Variants in ZDHHC14 observed in about 807,000 individuals in gnomAD.
ZDHHC14 encodes zDHHC palmitoyltransferase 14, also known as palmitoyltransferase ZDHHC14.
ZDHHC14 carries 16 observed loss-of-function variants against 47.7 expected under a neutral mutation model. That is an observed-to-expected ratio of 0.34 (90% CI 0.23 to 0.51). The LOEUF is 0.51. ZDHHC14 is among the 20% of genes least tolerant of loss of function. The pLI is 0.97. For synonymous variants in ZDHHC14, 293 were observed against 278.9 expected (o/e 1.05, Z -0.50); for missense variants, 515 against 662.5 (o/e 0.78, Z 2.44).
intron 1 of ZDHHC14, among the ~76,000 whole-genome samples, chr6:157,428,034 G>A (rs1222931469): frequency 6.6e-6 from 1 of 152,154 alleles, no homozygotes; most frequent in Non-Finnish European, 1.5e-5. Context: ...AGGAATATCG[G>A]GTTCCTGGAG....
At position 157,632,893 on chromosome 6, in the gene ZDHHC14, T is replaced by G; in HGVS notation, c.752+11T>G. On this transcript the variant is annotated intron_variant, in intron 5 of 8. Transcript: ENST00000359775. The stretch of plus-strand genomic sequence containing the variant: ...GGACAGTCCTGCAAGATATCCTTTG[T>G]GATGATTCTGTTTTCACGATGCTAA... 3 of 1,614,064 alleles carry G rather than the reference T, an allele frequency of 1.9e-6. No homozygotes were observed. The highest frequency in any genetic ancestry group is 2.5e-6 in the Non-Finnish European group (3 of 1,179,906).
intron 3 of ZDHHC14, among the ~76,000 whole-genome samples, chr6:157,620,504 T>TTTATCAAA (rs1785145373): frequency 6.6e-6 from 1 of 152,260 alleles, no homozygotes; most frequent in South Asian, 2.1e-4. Flanking sequence ...GCCAAGCAGC[T>TTTATCAAA]TTATCAAATC....
At chr6:157,487,485 A>G (rs1218785295) in intron 1 of ZDHHC14, among the ~76,000 whole-genome samples, 1 of 152,264 alleles carries the variant, frequency 6.6e-6, no homozygotes, top group African/African-American at 2.4e-5. Flanking sequence ...AACCTTCACT[A>G]CATGCCCTTG....
chr6:157,538,994 G>A (rs916267895), intron 1 of ZDHHC14, among the ~76,000 whole-genome samples: 6 of 152,066 alleles, frequency 3.9e-5, no homozygotes, highest in Non-Finnish European at 7.4e-5. Context: ...TAAGGAGCTC[G>A]AGCTTCATTT....
chr6:157,421,229 G>T (rs1378927649), intron 1 of ZDHHC14, among the ~76,000 whole-genome samples: 2 of 151,950 alleles, frequency 1.3e-5, no homozygotes, highest in Admixed American at 6.6e-5. Flanking sequence ...CCTGGGCGCG[G>T]TGGCTCACGC....
chr6:157,659,181 T>G (rs564016548), intron 8 of ZDHHC14, among the ~76,000 whole-genome samples: 1 of 152,230 alleles, frequency 6.6e-6, no homozygotes, highest in Admixed American at 6.5e-5. Flanking sequence ...GAGAATAATT[T>G]GTAAAACTGG....
chr6:157,469,596 G>A (rs910597420), intron 1 of ZDHHC14, among the ~76,000 whole-genome samples: 3 of 152,214 alleles, frequency 2.0e-5, no homozygotes, highest in African/African-American at 4.8e-5. Context: ...GTCAGCCTGG[G>A]ATTCTGCCCT....
At chr6:157,470,510 C>T (rs1429053561) in intron 1 of ZDHHC14, among the ~76,000 whole-genome samples, 2 of 152,106 alleles carry the variant, frequency 1.3e-5, no homozygotes, top group Non-Finnish European at 2.9e-5. Flanking sequence ...TGTCAAAAAG[C>T]TAAAGGTATC....
intron 1 of ZDHHC14, among the ~76,000 whole-genome samples, chr6:157,403,928 T>G (rs578232163): frequency 1.3e-5 from 2 of 152,296 alleles, no homozygotes; most frequent in African/African-American, 4.8e-5. Context: ...CTGAGCATGG[T>G]GGGCACACAA....
In ZDHHC14 at chr6:157,639,015, C is replaced by T. The variant is rs145523853; in HGVS notation, c.752+6133C>T. ...GCCTGGCATCCTGGTGTTGTGCCCA[C>T]GCACTCCACATTGGGCAGGGTGCCC... On this transcript the variant is annotated intron_variant, in intron 5 of 8. Transcript: ENST00000359775. Among the ~76,000 whole-genome samples, 538 of 152,344 alleles carry T rather than the reference C, an allele frequency of 3.5e-3. 2 individuals carry two copies. The highest frequency in any genetic ancestry group is 0.012 in the African/African-American group (489 of 41,574).
At chr6:157,449,327 C>T (rs1012111750) in intron 1 of ZDHHC14, among the ~76,000 whole-genome samples, 12 of 151,970 alleles carry the variant, frequency 7.9e-5, no homozygotes, top group South Asian at 2.1e-4. Context: ...ATACTATACG[C>T]GGTATATTAT....
chr6:157,567,733 G>GGC (rs1380371950), intron 2 of ZDHHC14, among the ~76,000 whole-genome samples: 6 of 150,836 alleles, frequency 4.0e-5, no homozygotes, highest in Non-Finnish European at 8.8e-5. Context: ...AGGAGAATCA[G>GGC]TTGAACCTGG....
chr6:157,663,352 A>G (rs148829685), intron 8 of ZDHHC14, among the ~76,000 whole-genome samples: 66 of 152,332 alleles, frequency 4.3e-4, no homozygotes, highest in African/African-American at 1.4e-3. Context: ...CAGAGCTCCT[A>G]GTGGACAGGA....
chr6:157,430,630 G>T (rs999905596), intron 1 of ZDHHC14, among the ~76,000 whole-genome samples: 2 of 152,230 alleles, frequency 1.3e-5, no homozygotes, highest in Non-Finnish European at 1.5e-5. Flanking sequence ...GGATAATGGA[G>T]GGTAATCTCC....
chr6:157,429,165 A>T (rs1778286067), intron 1 of ZDHHC14, among the ~76,000 whole-genome samples: 1 of 152,176 alleles, frequency 6.6e-6, no homozygotes, highest in African/African-American at 2.4e-5. Flanking sequence ...TGCAGTGATC[A>T]TCTCGGCATG....
intron 1 of ZDHHC14, among the ~76,000 whole-genome samples, chr6:157,396,888 A>G (rs1372726735): frequency 1.3e-5 from 2 of 152,226 alleles, no homozygotes; most frequent in Non-Finnish European, 2.9e-5. Flanking sequence ...TTTAAACTGT[A>G]TGCCTTTATT....
At chr6:157,614,742 C>T (rs2114928546) in intron 3 of ZDHHC14, among the ~76,000 whole-genome samples, 1 of 151,818 alleles carries the variant, frequency 6.6e-6, no homozygotes, top group African/African-American at 2.4e-5. Flanking sequence ...TCGTGTTCTG[C>T]TCTCTCCAGC....
intron 1 of ZDHHC14, among the ~76,000 whole-genome samples, chr6:157,392,691 C>T (rs540551765): frequency 6.6e-6 from 1 of 150,852 alleles, no homozygotes; most frequent in Non-Finnish European, 1.5e-5. Context: ...CCCTTGACTC[C>T]AATCCTTCTA....
chr6:157,614,157 G>A (rs1366296648), intron 3 of ZDHHC14, among the ~76,000 whole-genome samples: 1 of 152,144 alleles, frequency 6.6e-6, no homozygotes, highest in East Asian at 1.9e-4. Context: ...GGCGGGGAGT[G>A]CAAAAGGCCA....
Sources: allele counts gnomAD v4.1 joint callset (sites outside exome capture counted in the v4.1 genomes callset), GRCh38; gene constraint gnomAD v4.1.1; transcripts MANE v1.5; gene names NCBI Gene and HGNC (gene_info 2026-07-23, HGNC 2026-07-21).